GPR137C: variants seen among roughly 807,000 people sequenced by gnomAD.
The protein encoded by GPR137C is integral membrane protein GPR137C.
Under a neutral mutation model 43.4 loss-of-function variants are expected in GPR137C, and 27 were observed. The ratio of observed to expected loss-of-function variants is 0.62; its 90% CI spans 0.46 to 0.86. The LOEUF (loss-of-function observed/expected upper bound fraction) is 0.86. GPR137C is among the 40% of genes least tolerant of loss of function. The probability of loss-of-function intolerance (pLI) is 0.00; values close to 1 mark genes in which losing one functional copy is unlikely to be tolerated. For missense variants in GPR137C, 522 were observed against 534.6 expected, an observed-to-expected ratio of 0.98 and a Z score of 0.23; for synonymous variants, 285 against 226.9, an observed-to-expected ratio of 1.26 and a Z score of -2.30.
At chr14:52,626,723 C>CT (rs1438651348) in intron 3 of GPR137C, among the ~76,000 whole-genome samples, 1 of 152,070 alleles carries the variant, frequency 6.6e-6, no homozygotes, top group Admixed American at 6.5e-5. Context: ...AGGAGAACAT[C>CT]TTAAGGCATC....
intron 1 of GPR137C, among the ~76,000 whole-genome samples, chr14:52,561,838 A>G (rs967274637): frequency 2.0e-5 from 3 of 152,210 alleles, no homozygotes; most frequent in Non-Finnish European, 4.4e-5. Flanking sequence ...GAGGACTTAC[A>G]AAAAGAGGGC....
intron 1 of GPR137C, among the ~76,000 whole-genome samples, chr14:52,582,156 G>A (rs1248788522): frequency 6.6e-6 from 1 of 152,116 alleles, no homozygotes. Flanking sequence ...TCCACTTTCT[G>A]GTTCATAGAC....
intron 1 of GPR137C, among the ~76,000 whole-genome samples, chr14:52,582,624 T>C (rs759140396): frequency 4.6e-5 from 7 of 152,110 alleles, no homozygotes; most frequent in Non-Finnish European, 1.0e-4. Context: ...GGAAACCCAG[T>C]CTCTAATAAA....
intron 1 of GPR137C, among the ~76,000 whole-genome samples, chr14:52,569,782 T>C (rs892742581): frequency 1.7e-4 from 26 of 151,886 alleles, no homozygotes; most frequent in African/African-American, 6.3e-4. Context: ...CCAAGAAATA[T>C]GGGACTATGT....
At chr14:52,562,393 A>G (rs2038299498) in intron 1 of GPR137C, among the ~76,000 whole-genome samples, 1 of 152,196 alleles carries the variant, frequency 6.6e-6, no homozygotes, top group African/African-American at 2.4e-5. Context: ...GCTATTATTA[A>G]ATTTTAAATA....
chr14:52,575,250 T>C (rs2038533546), intron 1 of GPR137C, among the ~76,000 whole-genome samples: 1 of 152,156 alleles, frequency 6.6e-6, no homozygotes, highest in Non-Finnish European at 1.5e-5. Flanking sequence ...TTAAAAATAC[T>C]TCTACATGGT....
At chr14:52,596,490 T>C (rs1056325344) in intron 1 of GPR137C, among the ~76,000 whole-genome samples, 12 of 152,226 alleles carry the variant, frequency 7.9e-5, no homozygotes, top group Non-Finnish European at 1.6e-4. Flanking sequence ...AGTTCGAGCT[T>C]CCTGGCTGGT....
At chr14:52,573,688 A>G (rs1425277000) in intron 1 of GPR137C, among the ~76,000 whole-genome samples, 1 of 152,242 alleles carries the variant, frequency 6.6e-6, no homozygotes, top group Non-Finnish European at 1.5e-5. Context: ...CCAAAACACC[A>G]AAAGCAATGG....
intron 1 of GPR137C, among the ~76,000 whole-genome samples, chr14:52,554,483 G>A (rs2038161949): frequency 6.6e-6 from 1 of 152,130 alleles, no homozygotes; most frequent in Non-Finnish European, 1.5e-5. Context: ...GTTTGGGAGT[G>A]TAAGGTTGTC....
intron 1 of GPR137C, among the ~76,000 whole-genome samples, chr14:52,575,796 CTACTT>C (rs1454779447): frequency 1.3e-5 from 2 of 152,180 alleles, no homozygotes; most frequent in African/African-American, 2.4e-5. Flanking sequence ...CCAGGACAGT[CTACTT>C]TAATCTCTAA....
chr14:52,605,189 C>A (rs1455735922), intron 3 of GPR137C, among the ~76,000 whole-genome samples: 1 of 152,110 alleles, frequency 6.6e-6, no homozygotes, highest in East Asian at 1.9e-4. Context: ...AATTAGTGAG[C>A]ATGGGATGTC....
chr14:52,577,050 C>A (rs1010816095), intron 1 of GPR137C, among the ~76,000 whole-genome samples: 13 of 96,364 alleles, frequency 1.3e-4, no homozygotes. Context: ...ACTAGCCAGG[C>A]GTGGTGCTGT....
intron 3 of GPR137C, among the ~76,000 whole-genome samples, chr14:52,624,867 G>A (rs1414235375): frequency 6.6e-6 from 1 of 152,080 alleles, no homozygotes; most frequent in Non-Finnish European, 1.5e-5. Context: ...AATACAAATT[G>A]CCAATGTTAT....
At chr14:52,585,538 G>A (rs2038702404) in intron 1 of GPR137C, among the ~76,000 whole-genome samples, 1 of 152,144 alleles carries the variant, frequency 6.6e-6, no homozygotes, top group Non-Finnish European at 1.5e-5. Context: ...GTTGTTTTAT[G>A]TACACAAGAC....
intron 1 of GPR137C, among the ~76,000 whole-genome samples, chr14:52,577,182 TCAAAA>T (rs1313177743): frequency 4.9e-5 from 1 of 20,428 alleles, no homozygotes; most frequent in Admixed American, 8.5e-4. Context: ...GTAAGACTCC[TCAAAA>T]AAAAAAAAAA....
At chr14:52,567,060 C>T (rs763806378) in intron 1 of GPR137C, among the ~76,000 whole-genome samples, 1 of 152,084 alleles carries the variant, frequency 6.6e-6, no homozygotes, top group Non-Finnish European at 1.5e-5. Flanking sequence ...TTGCAGTGAG[C>T]CAAGATCACA....
At chr14:52,626,568 C>G (rs2039229960) in intron 3 of GPR137C, among the ~76,000 whole-genome samples, 1 of 151,996 alleles carries the variant, frequency 6.6e-6, no homozygotes, top group Non-Finnish European at 1.5e-5. Flanking sequence ...ATTGAATGTT[C>G]TCCCCCTAAG....
At position 52,625,532 on chromosome 14, in the gene GPR137C, C is replaced by CTTTT. The variant is rs770278309; in HGVS notation, c.718-6591_718-6588dup. Among the ~76,000 whole-genome samples, 12 of 36,082 alleles carry CTTTT rather than the reference C, an allele frequency of 3.3e-4. 4 individuals carry two copies. The highest frequency in any genetic ancestry group is 6.0e-4 in the Non-Finnish European group (12 of 19,936). The allele number at this position is 36,082 out of a possible 152,430, so 23.7% of individuals were successfully genotyped here. A position where few individuals can be genotyped will look rare whatever the true frequency, so the allele number is the denominator to read the frequency against. On this transcript the variant is annotated intron_variant, in intron 3 of 6. Transcript: ENST00000321662. ...GAAAATAGAGGAGGGAAGAACACATCTTTTTTTTTTTTTTTTTTTTTTTTT... is the reference window on the plus strand; with the variant it reads ...GAAAATAGAGGAGGGAAGAACACATCTTTTTTTTTTTTTTTTTTTTTTTTTTTTT...
chr14:52,569,275 C>G (rs2038426282), intron 1 of GPR137C, among the ~76,000 whole-genome samples: 1 of 151,966 alleles, frequency 6.6e-6, no homozygotes, highest in African/African-American at 2.4e-5. Context: ...ATGCAAAAAC[C>G]CCATCTGAAG....
Sources: allele counts gnomAD v4.1 joint callset (sites outside exome capture counted in the v4.1 genomes callset), GRCh38; gene constraint gnomAD v4.1.1; transcripts MANE v1.5; gene names NCBI Gene and HGNC (gene_info 2026-07-23, HGNC 2026-07-21).